KIRREL1: variants seen among roughly 807,000 people sequenced by gnomAD.
KIRREL1 encodes kin of IRRE-like protein 1.
KIRREL1 carries 25 observed loss-of-function variants against 83.3 expected under a neutral mutation model. The observed-to-expected ratio is 0.30, with a 90% confidence interval of 0.22 to 0.42. The LOEUF is 0.42. KIRREL1 is among the 10% of genes least tolerant of loss of function. The probability of loss-of-function intolerance (pLI) is 1.00; values close to 1 mark genes in which losing one functional copy is unlikely to be tolerated. For synonymous variants in KIRREL1, 388 were observed against 410.4 expected, an observed-to-expected ratio of 0.95 and a Z score of 0.66; for missense variants, 812 against 1,032.3, an observed-to-expected ratio of 0.79 and a Z score of 2.92.
rs774545635 is a variant in KIRREL1, at chr1:158,089,555, T to G, written c.1098T>G (p.Ala366=). Residue 366 remains alanine, a synonymous_variant, in exon 9 of 15, where the codon GCT becomes GCG. Coordinates refer to ENST00000359209, the MANE Select transcript of KIRREL1 (RefSeq NM_018240.7). ...LLLKSVTQAD[A]GTYTCRAIVP... is the part of the protein sequence containing the mutation. Reference sequence around the variant, plus strand: ...TGAAGTCGGTGACTCAGGCAGACGCTGGCACCTACACCTGCCGGGCCATCG... The same window carrying G: ...TGAAGTCGGTGACTCAGGCAGACGCGGGCACCTACACCTGCCGGGCCATCG... 1.2e-6 allele frequency: 2 copies of G among 1,614,182 alleles called. No homozygotes were observed. Among genetic ancestry groups the G allele is most frequent in the Non-Finnish European group, 1.7e-6 (2 of 1,180,032 alleles).
At chr1:158,076,507 C>T (rs900750556) in intron 2 of KIRREL1, among the ~76,000 whole-genome samples, 4 of 152,208 alleles carry the variant, frequency 2.6e-5, no homozygotes, top group Non-Finnish European at 5.9e-5. Context: ...CAAGGGAAAC[C>T]AAGAGACCTT....
rs1388076434 is a variant in KIRREL1 at position 158,094,977 on chromosome 1, G to T, written c.2131G>T (p.Ala711Ser). ...CACCTACCGACTGGGCTACCCCCAG[G>T]CCCCACCCTCTGGCCTGGAGCGGAC... ...YPTYRLGYPQ[A>S]PPSGLERTPY... The change falls in exon 15 of 15, where the codon GCC (alanine) becomes TCC (serine). Residue 711 changes from alanine to serine, a missense_variant. Around this residue, in one of 3 missense-constraint regions of KIRREL1, gnomAD observed 334 missense variants for 383.7 expected, o/e 0.87. Coordinates refer to ENST00000359209, the MANE Select transcript of KIRREL1 (RefSeq NM_018240.7). This position sits in a 1 kb window ranked among gnomAD's most constrained non-coding sequence, Gnocchi z 4.6. The T allele has an allele frequency of 1.2e-6, 2 of 1,613,906 alleles. No homozygotes were observed. Among genetic ancestry groups the T allele is most frequent in the Non-Finnish European group, 1.7e-6 (2 of 1,180,008 alleles).
At chr1:158,073,964 G>T (rs1661596304) in intron 1 of KIRREL1, among the ~76,000 whole-genome samples, 1 of 152,228 alleles carries the variant, frequency 6.6e-6, no homozygotes, top group Non-Finnish European at 1.5e-5. Flanking sequence ...CCACTCTTAA[G>T]CCCTTGACTT....
At chr1:158,026,282 C>T (rs1660167791) in intron 1 of KIRREL1, among the ~76,000 whole-genome samples, 1 of 152,210 alleles carries the variant, frequency 6.6e-6, no homozygotes. Context: ...ATTCCAGCCT[C>T]TGGCCGGTGT....
At chr1:158,092,714 A>G (rs1571003611) in intron 11 of KIRREL1, among the ~76,000 whole-genome samples, 1 of 152,246 alleles carries the variant, frequency 6.6e-6, no homozygotes, top group Middle Eastern at 3.4e-3. Flanking sequence ...GAGTAGATAC[A>G]GTAACGTGGG....
At chr1:158,062,457 G>A (rs892478416) in intron 1 of KIRREL1, among the ~76,000 whole-genome samples, 2 of 152,246 alleles carry the variant, frequency 1.3e-5, no homozygotes, top group Non-Finnish European at 2.9e-5. Flanking sequence ...TTCAGCAGCC[G>A]GTTGGAACTG....
intron 8 of KIRREL1, 55 bp from the exon 9 acceptor site, chr1:158,089,447 G>A (rs746803157): frequency 1.2e-6 from 2 of 1,608,700 alleles, no homozygotes; most frequent in South Asian, 1.1e-5. Flanking sequence ...GGCCCTCATG[G>A]ACCTAGGGGC....
At chr1:158,019,037 GTAAA>G (rs1328385366) in intron 1 of KIRREL1, among the ~76,000 whole-genome samples, 1 of 152,200 alleles carries the variant, frequency 6.6e-6, no homozygotes, top group Non-Finnish European at 1.5e-5. Context: ...CTTGAACCAA[GTAAA>G]TAGAGGTCCA....
At chr1:157,996,292 G>A (rs898589038) in intron 1 of KIRREL1, among the ~76,000 whole-genome samples, 1 of 151,872 alleles carries the variant, frequency 6.6e-6, no homozygotes, top group East Asian at 1.9e-4. Context: ...TCCATCATGC[G>A]CCGGCTCCAC....
At chr1:158,086,969 C>G (rs1662036035) in intron 5 of KIRREL1, among the ~76,000 whole-genome samples, 1 of 152,130 alleles carries the variant, frequency 6.6e-6, no homozygotes, top group Non-Finnish European at 1.5e-5. Context: ...TCTAAACCAG[C>G]CTGTTATTAG....
At chr1:158,034,943 A>T (rs912475041) in intron 1 of KIRREL1, among the ~76,000 whole-genome samples, 9 of 152,048 alleles carry the variant, frequency 5.9e-5, no homozygotes, top group Non-Finnish European at 1.3e-4. Context: ...AAATTTTTAA[A>T]TTCTCTCTAT....
chr1:158,065,378 C>A (rs528735610), intron 1 of KIRREL1, among the ~76,000 whole-genome samples: 1 of 152,312 alleles, frequency 6.6e-6, no homozygotes, highest in African/African-American at 2.4e-5. Context: ...CAGAGCAGAA[C>A]TTGCACTTGC....
chr1:158,084,629 C>T, intron 4 of KIRREL1, 50 bp downstream of exon 4: 4 of 1,530,906 alleles, frequency 2.6e-6, no homozygotes, highest in Non-Finnish European at 3.5e-6. Flanking sequence ...GCCCAGCTCA[C>T]CTCTCCTTTC....
rs925696617 is a variant in KIRREL1 at position 158,076,060 on chromosome 1, A to G, written c.53-53A>G. 14 of 1,549,552 alleles carry G rather than the reference A, an allele frequency of 9.0e-6. No homozygotes were observed. In the African/African-American group the frequency reaches 1.5e-4, roughly 17 times the overall value. ...AGCTGCATGGTGAGGGGGACCTCTT[A>G]GAGGAGCCCCTCTCCTTACTCATCT... On this transcript the variant is annotated intron_variant, in intron 1 of 14. Coordinates refer to ENST00000359209, the MANE Select transcript of KIRREL1 (RefSeq NM_018240.7).
intron 1 of KIRREL1, among the ~76,000 whole-genome samples, chr1:157,998,433 G>A (rs1659264332): frequency 1.3e-5 from 2 of 152,152 alleles, no homozygotes; most frequent in East Asian, 1.9e-4. Context: ...GTGTTAAATT[G>A]TTTTTCTTTG....
chr1:158,032,097 AG>A (rs1158018860), intron 1 of KIRREL1, among the ~76,000 whole-genome samples: 2 of 45,130 alleles, frequency 4.4e-5, no homozygotes, highest in East Asian at 8.1e-4. Flanking sequence ...AGAAAAGAAA[AG>A]AAAAACAAAC....
At chr1:158,010,762 C>T (rs949269248) in intron 1 of KIRREL1, among the ~76,000 whole-genome samples, 1 of 152,132 alleles carries the variant, frequency 6.6e-6, no homozygotes, top group African/African-American at 2.4e-5. Flanking sequence ...CCCCCTTTCT[C>T]CTCCTCTCCT....
At chr1:157,993,989 C>G (rs1659119465) in intron 1 of KIRREL1, among the ~76,000 whole-genome samples, 1 of 152,194 alleles carries the variant, frequency 6.6e-6, no homozygotes, top group African/African-American at 2.4e-5. Flanking sequence ...AATGGGGCCG[C>G]GAGGGCTGGA....
intron 1 of KIRREL1, among the ~76,000 whole-genome samples, chr1:158,037,398 C>A (rs1259567454): frequency 6.7e-6 from 1 of 148,720 alleles, no homozygotes; most frequent in East Asian, 2.0e-4. Context: ...GAGGCTGACG[C>A]AGGAGAATCA....
Sources: gnomAD v4.1 joint callset for allele counts (sites outside exome capture counted in the v4.1 genomes callset) on GRCh38, gnomAD v4.1.1 for gene constraint, gnomAD v4.1.1 regional missense constraint, Gnocchi (gnomAD v3.1) non-coding constraint, MANE v1.5 for transcripts, NCBI Gene and HGNC (gene_info 2026-07-23, HGNC 2026-07-21) for gene names.